Variants in MME observed in about 807,000 individuals in gnomAD.
MME encodes neprilysin.
A neutral mutation model predicts 113.2 loss-of-function variants in MME; 98 were observed. The observed-to-expected ratio is 0.87, with a 90% CI of 0.74 to 1.02. The LOEUF is 1.02. Among genes scored for constraint, MME ranks in the 50% least tolerant of loss-of-function variants. The probability of loss-of-function intolerance (pLI) is 0.00; values close to 1 mark genes in which losing one functional copy is unlikely to be tolerated. For synonymous variants in MME, 292 were observed against 300.6 expected (o/e 0.97, Z 0.30); for missense variants, 836 against 896.0 (o/e 0.93, Z 0.86).
chr3:155,025,395 T>A (rs1403487401), intron 1 of MME, among the ~76,000 whole-genome samples: 8 of 151,988 alleles, frequency 5.3e-5, no homozygotes, highest in East Asian at 2.0e-4. Flanking sequence ...GAGGCCGAGG[T>A]GGGTGGATCA....
intron 16 of MME, among the ~76,000 whole-genome samples, chr3:155,159,918 G>A (rs1163787401): frequency 1.3e-5 from 2 of 152,104 alleles, no homozygotes; most frequent in East Asian, 3.9e-4. Flanking sequence ...AACTACTTGA[G>A]ATATCTTAGT....
In MME at chr3:155,126,994, C is replaced by A. The variant is rs141688530; in HGVS notation, c.720+8183C>A. Among the ~76,000 whole-genome samples the A allele has an allele frequency of 8.3e-3, 1,141 of 136,716 alleles. 12 individuals carry two copies. The highest frequency in any genetic ancestry group is 0.03 in the African/African-American group (1,061 of 35,608). The allele number at this position is 136,716 out of a possible 152,430, so 89.7% of individuals were successfully genotyped here. ...TGGACTCCAGCCTGGGCAACAAGAG[C>A]GAAACTCCATCTCAAAAAAAAAAAA... On this transcript the variant is annotated intron_variant, in intron 8 of 22. Coordinates refer to ENST00000360490, the MANE Select transcript of MME (RefSeq NM_007289.4).
At chr3:155,119,389 T>G (rs1339595705) in intron 8 of MME, among the ~76,000 whole-genome samples, 2 of 149,984 alleles carry the variant, frequency 1.3e-5, no homozygotes, top group African/African-American at 4.9e-5. Context: ...CTTGCCTCCC[T>G]TGGGCTGATG....
chr3:155,168,909 G>A, intron 20 of MME, 112 bp downstream of exon 20: 1 of 894,524 alleles, frequency 1.1e-6, no homozygotes, highest in Non-Finnish European at 1.7e-6. Flanking sequence ...AGTAAATGAT[G>A]AATAGAAAAT....
At chr3:155,024,316 C>T (rs186347950) in exon 1 of MME, 1 of 152,270 alleles carries the variant, frequency 6.6e-6, no homozygotes, top group Admixed American at 6.5e-5. Flanking sequence ...ACTACACACG[C>T]TCTTGGCTGT....
At position 155,171,906 on chromosome 3, in the gene MME, A is replaced by G. The variant is rs557815578; in HGVS notation, c.1981-211A>G. Among the ~76,000 whole-genome samples, 5 of 152,268 alleles carry G rather than the reference A, an allele frequency of 3.3e-5. No individual in the cohort carries two copies. The South Asian group carries it at 6.2e-4, about 19-fold the overall frequency. On this transcript the variant is annotated intron_variant, in intron 20 of 22. Transcript: ENST00000360490. ...ATATGCCAGGCTCTTGTCATCTACT[A>G]TTCAGTAGCTTCTTCTTTTCAAAGC...
rs532949546 is a variant in MME, at chr3:155,105,052, A to G, written c.197-9942A>G. On this transcript the variant is annotated intron_variant, in intron 3 of 22. Transcript: ENST00000360490. ...AATATGTTTCGGTTGCGAATTCTGG[A>G]GGAATCCCTACTGGAAAATAATTGC... Among the ~76,000 whole-genome samples, 72 of 152,294 alleles carry G rather than the reference A, an allele frequency of 4.7e-4. 1 individual carries two copies. The highest frequency in any genetic ancestry group is 4.7e-3 in the Admixed American group (72 of 15,288).
chr3:155,093,307 G>T (rs1002097695), intron 3 of MME, among the ~76,000 whole-genome samples: 2 of 151,894 alleles, frequency 1.3e-5, no homozygotes, highest in Non-Finnish European at 2.9e-5. Flanking sequence ...TTGACGAAAA[G>T]TCTCTGGAAA....
At chr3:155,081,964 T>A (rs1001881932) in intron 1 of MME, 4 of 152,204 alleles carry the variant, frequency 2.6e-5, no homozygotes, top group African/African-American at 9.7e-5. Context: ...AAGATTATAT[T>A]GTTTTGATGC....
intron 8 of MME, among the ~76,000 whole-genome samples, chr3:155,119,077 T>G (rs1387856705): frequency 6.6e-6 from 1 of 152,230 alleles, no homozygotes; most frequent in Non-Finnish European, 1.5e-5. Flanking sequence ...TGATCGATTT[T>G]GAAAAGTTAA....
intron 3 of MME, among the ~76,000 whole-genome samples, chr3:155,090,858 G>T (rs1716228288): frequency 6.6e-6 from 1 of 152,186 alleles, no homozygotes; most frequent in South Asian, 2.1e-4. Context: ...GTCTGCAAGG[G>T]CCAGATCATG....
chr3:155,065,186 C>T (rs1714348087), intron 1 of MME, among the ~76,000 whole-genome samples: 1 of 152,166 alleles, frequency 6.6e-6, no homozygotes, highest in South Asian at 2.1e-4. Flanking sequence ...CAAAGACAGT[C>T]TCATTTCTGA....
At chr3:155,071,070 G>A (rs1340630992) in intron 1 of MME, among the ~76,000 whole-genome samples, 1 of 152,168 alleles carries the variant, frequency 6.6e-6, no homozygotes, top group African/African-American at 2.4e-5. Flanking sequence ...CATACCAAGG[G>A]CTCAAAATCA....
At position 155,180,401 on chromosome 3, in the gene MME, C is replaced by G. The variant is rs769409181; in HGVS notation, c.2195C>G (p.Ala732Gly). 11 of 1,613,534 alleles carry G rather than the reference C, an allele frequency of 6.8e-6. No individual in the cohort carries two copies. The highest frequency in any genetic ancestry group is 5.5e-5 in the South Asian group (5 of 91,078). ...CAGAACTCTGCAGAGTTTTCAGAAGCCTTTCACTGCCGCAAGAATTCATAC... is the reference window on the plus strand; with the variant it reads ...CAGAACTCTGCAGAGTTTTCAGAAGGCTTTCACTGCCGCAAGAATTCATAC... ...TLQNSAEFSE[A>G]FHCRKNSYMN... Residue 732 changes from alanine to glycine, a missense_variant, in exon 23 of 23, where the codon GCC becomes GGC. Transcript: ENST00000360490.
At chr3:155,118,675 C>T (rs972704600) in intron 7 of MME, 71 bp from the exon 8 acceptor site, 1 of 966,026 alleles carries the variant, frequency 1.0e-6, no homozygotes, top group African/African-American at 1.6e-5. Context: ...CATAGATAGA[C>T]ATGCTTGTAT....
chr3:155,109,558 T>C (rs556937842), intron 3 of MME, among the ~76,000 whole-genome samples: 1 of 152,352 alleles, frequency 6.6e-6, no homozygotes, highest in African/African-American at 2.4e-5. Flanking sequence ...GAAATATTCC[T>C]GATTCAAGTA....
Position 155,041,524 on chromosome 3 carries a change from G to T in MME, c.-11+17200G>T, listed in dbSNP as rs187152606. On this transcript the variant is annotated intron_variant, in intron 1 of 22. Transcript: ENST00000492661. ...ATTAAAATAAATTTTTAAAGAAAAG[G>T]ATTTTTCCATAAGATTAATAAAGCT... Among the ~76,000 whole-genome samples, 431 of 152,168 alleles carry T rather than the reference G, an allele frequency of 2.8e-3. 3 individuals carry two copies. Among genetic ancestry groups the T allele is most frequent in the African/African-American group, 1.0e-2 (414 of 41,568 alleles).
intron 3 of MME, among the ~76,000 whole-genome samples, chr3:155,085,963 A>G (rs1715684979): frequency 1.3e-5 from 2 of 152,258 alleles, no homozygotes; most frequent in Admixed American, 1.3e-4. Flanking sequence ...AGAAGGACAC[A>G]TTATGGAGAA....
chr3:155,161,147 C>T (rs930317553), intron 17 of MME, among the ~76,000 whole-genome samples: 3 of 151,954 alleles, frequency 2.0e-5, no homozygotes, highest in African/African-American at 7.3e-5. Flanking sequence ...CTTGGGAAGG[C>T]CTGGACATCT....
Sources: allele counts gnomAD v4.1 joint callset (sites outside exome capture counted in the v4.1 genomes callset), GRCh38; gene constraint gnomAD v4.1.1; transcripts MANE v1.5; gene names NCBI Gene and HGNC (gene_info 2026-07-23, HGNC 2026-07-21).